Variants in SNTG1 observed in about 807,000 individuals in gnomAD.
The protein encoded by SNTG1 is syntrophin gamma 1.
SNTG1 carries 39 observed loss-of-function variants against 74.7 expected under a neutral mutation model. That is an observed-to-expected ratio of 0.52 (90% confidence interval 0.40 to 0.68). The LOEUF is 0.68. Ranked by LOEUF, SNTG1 falls within the 30% of genes least tolerant of loss-of-function variation. The pLI is 0.00. For synonymous variants in SNTG1, 254 were observed against 217.1 expected (o/e 1.17, Z -1.49); for missense variants, 685 against 609.5 (o/e 1.12, Z -1.30).
Position 49,932,563 on chromosome 8 carries a change from A to G in SNTG1, c.-103+20332A>G, listed in dbSNP as rs566383849. ...ATGTCTTTAAAAAAAAAATAGTCAGAACGTATTTAATGACAATTTATTTGA... is the reference window on the plus strand; with the variant it reads ...ATGTCTTTAAAAAAAAAATAGTCAGGACGTATTTAATGACAATTTATTTGA... On this transcript the variant is annotated intron_variant, in intron 1 of 18. Coordinates refer to ENST00000642720, the MANE Select transcript of SNTG1 (RefSeq NM_018967.5). 4.9e-4 allele frequency among the ~76,000 whole-genome samples: 74 copies of G among 152,206 alleles called. 2 individuals carry two copies. The highest frequency in any genetic ancestry group is 1.2e-3 in the Admixed American group (19 of 15,282).
intron 1 of SNTG1, among the ~76,000 whole-genome samples, chr8:50,171,446 G>A (rs1028999297): frequency 6.6e-6 from 1 of 151,992 alleles, no homozygotes; most frequent in Admixed American, 6.6e-5. Flanking sequence ...TCTTTTCATG[G>A]TTTTCTGCCT....
chr8:50,084,396 G>T (rs1158586038), intron 1 of SNTG1, among the ~76,000 whole-genome samples: 1 of 152,112 alleles, frequency 6.6e-6, no homozygotes, highest in East Asian at 1.9e-4. Flanking sequence ...GAAGGCGGAG[G>T]TTGCAGTGAG....
At chr8:50,281,694 G>C (rs2088463525) in intron 2 of SNTG1, among the ~76,000 whole-genome samples, 1 of 152,070 alleles carries the variant, frequency 6.6e-6, no homozygotes, top group African/African-American at 2.4e-5. Context: ...AATCTAATAG[G>C]TATACTATAA....
At chr8:50,540,574 G>A (rs2094339529) in intron 11 of SNTG1, among the ~76,000 whole-genome samples, 1 of 152,000 alleles carries the variant, frequency 6.6e-6, no homozygotes, top group African/African-American at 2.4e-5. Context: ...ATTGTATTAG[G>A]TTTTACATAA....
At chr8:50,061,132 T>C (rs58676565) in intron 1 of SNTG1, among the ~76,000 whole-genome samples, 17,458 of 152,172 alleles carry the variant, frequency 0.11, 2,575 homozygotes, top group African/African-American at 0.34. Flanking sequence ...TTAAAAGCCT[T>C]ATTCAAATGT....
chr8:50,113,548 C>T (rs1039517411), intron 1 of SNTG1, among the ~76,000 whole-genome samples: 28 of 152,204 alleles, frequency 1.8e-4, no homozygotes, highest in Non-Finnish European at 3.8e-4. Flanking sequence ...ATTTGACTTC[C>T]TTTTTTCCTA....
At chr8:50,515,462 T>C (rs1348164311) in intron 9 of SNTG1, among the ~76,000 whole-genome samples, 1 of 123,908 alleles carries the variant, frequency 8.1e-6, no homozygotes, top group Non-Finnish European at 1.6e-5. Flanking sequence ...AACCATTCAC[T>C]CCCCTGGAAA....
intron 13 of SNTG1, among the ~76,000 whole-genome samples, chr8:50,593,058 A>G (rs993186694): frequency 2.0e-5 from 3 of 152,070 alleles, no homozygotes; most frequent in African/African-American, 4.8e-5. Flanking sequence ...GATGATATCT[A>G]CATTAAATAA....
chr8:50,715,427 T>G (rs1160111142), intron 17 of SNTG1, among the ~76,000 whole-genome samples: 3 of 152,160 alleles, frequency 2.0e-5, no homozygotes, highest in Admixed American at 2.0e-4. Context: ...AGAATACTTA[T>G]AAAGGCTTCT....
chr8:49,919,325 T>TG (rs1806323881), intron 1 of SNTG1, among the ~76,000 whole-genome samples: 1 of 152,104 alleles, frequency 6.6e-6, no homozygotes, highest in Admixed American at 6.6e-5. Flanking sequence ...GGGTATTAGT[T>TG]ATTGACTAAT....
chr8:50,112,496 C>A (rs2080631690), intron 1 of SNTG1, among the ~76,000 whole-genome samples: 1 of 142,800 alleles, frequency 7.0e-6, no homozygotes. Flanking sequence ...ATGCAGCATA[C>A]ACAAGTATTT....
chr8:50,743,976 G>T (rs1406759830), intron 17 of SNTG1, among the ~76,000 whole-genome samples: 3 of 150,276 alleles, frequency 2.0e-5, no homozygotes, highest in African/African-American at 7.4e-5. Context: ...GAGAGAGAGA[G>T]AGAGGAGGTG....
chr8:50,049,141 C>G (rs993523478), intron 1 of SNTG1, among the ~76,000 whole-genome samples: 1 of 151,786 alleles, frequency 6.6e-6, no homozygotes, highest in African/African-American at 2.4e-5. Flanking sequence ...TAAAGATTAG[C>G]AAATACGCTA....
At chr8:50,414,545 C>A (rs1347751005) in intron 4 of SNTG1, among the ~76,000 whole-genome samples, 1 of 152,100 alleles carries the variant, frequency 6.6e-6, no homozygotes, top group Non-Finnish European at 1.5e-5. Context: ...GTACAGACTT[C>A]TTACCTGTGA....
intron 17 of SNTG1, among the ~76,000 whole-genome samples, chr8:50,732,026 C>A (rs1238362384): frequency 6.6e-6 from 1 of 151,928 alleles, no homozygotes; most frequent in Non-Finnish European, 1.5e-5. Flanking sequence ...TTCTTTATAT[C>A]CATCTTTGGG....
chr8:49,926,138 GT>G (rs562912550), intron 1 of SNTG1, among the ~76,000 whole-genome samples: 76 of 152,070 alleles, frequency 5.0e-4, no homozygotes, highest in Non-Finnish European at 9.0e-4. Flanking sequence ...CAATAATAAG[GT>G]TCTAGAAATT....
chr8:50,021,946 AAAT>A lies in SNTG1; in HGVS notation c.-103+109718_-103+109720del, dbSNP rs201050618. On this transcript the variant is annotated intron_variant, in intron 1 of 18. Coordinates refer to ENST00000642720, the MANE Select transcript of SNTG1 (RefSeq NM_018967.5). The stretch of plus-strand genomic sequence containing the variant: ...ACACAGTGAGACCCTCTCAAAAAAA[AAAT>A]AAAAATAAAAATAAAAATAAAAAGA... Among the ~76,000 whole-genome samples the A allele has an allele frequency of 4.3e-3, 621 of 146,100 alleles. 6 individuals are homozygous for A. Among genetic ancestry groups the A allele is most frequent in the African/African-American group, 8.4e-3 (335 of 39,786 alleles).
chr8:50,135,040 G>C (rs1434463909), intron 1 of SNTG1, among the ~76,000 whole-genome samples: 1 of 152,070 alleles, frequency 6.6e-6, no homozygotes, highest in Non-Finnish European at 1.5e-5. Flanking sequence ...ATGTCAACCC[G>C]GTAGTTGGCC....
At chr8:50,268,524 G>C (rs1040215556) in intron 2 of SNTG1, among the ~76,000 whole-genome samples, 1 of 152,082 alleles carries the variant, frequency 6.6e-6, no homozygotes, top group African/African-American at 2.4e-5. Context: ...ACTCTAACCA[G>C]TACTGACCTT....
Sources: gnomAD v4.1 joint callset for allele counts (sites outside exome capture counted in the v4.1 genomes callset) on GRCh38, gnomAD v4.1.1 for gene constraint, MANE v1.5 for transcripts, NCBI Gene and HGNC (gene_info 2026-07-23, HGNC 2026-07-21) for gene names.